The following MYO18B variants were observed in gnomAD, a reference collection of about 807,000 sequenced individuals.
MYO18B encodes the protein unconventional myosin-XVIIIb.
A neutral mutation model predicts 273.0 loss-of-function variants in MYO18B; 204 were observed. That is an observed-to-expected ratio of 0.75 (90% CI 0.67 to 0.84). The LOEUF is 0.84. MYO18B is among the 40% of genes least tolerant of loss of function. The pLI, the probability that MYO18B is intolerant of heterozygous loss-of-function variation, is 0.00. For synonymous variants in MYO18B, 1,330 were observed against 1,305.7 expected (o/e 1.02, Z -0.40); for missense variants, 3,212 against 3,287.6 (o/e 0.98, Z 0.56).
At chr22:25,799,985 A>G (rs1253365963) in intron 12 of MYO18B, among the ~76,000 whole-genome samples, 2 of 152,218 alleles carry the variant, frequency 1.3e-5, no homozygotes, top group Admixed American at 6.5e-5. Context: ...ATATACACAC[A>G]CACCATGGAA....
At chr22:25,792,497 C>T (rs11090410) in intron 11 of MYO18B, among the ~76,000 whole-genome samples, 12,448 of 107,714 alleles carry the variant, frequency 0.12, 2,098 homozygotes, top group African/African-American at 0.3. Flanking sequence ...TTTTTCTTTT[C>T]TTTTTTTTTT....
chr22:25,882,562 C>T (rs1397737009), intron 25 of MYO18B, among the ~76,000 whole-genome samples: 1 of 152,156 alleles, frequency 6.6e-6, no homozygotes, highest in African/African-American at 2.4e-5. Context: ...AAGCCAAGAG[C>T]ATGATGTCAT....
chr22:25,791,137 C>T (rs2087641695), intron 11 of MYO18B, among the ~76,000 whole-genome samples: 1 of 147,094 alleles, frequency 6.8e-6, no homozygotes, highest in Non-Finnish European at 1.5e-5. Flanking sequence ...GCCATGTCTA[C>T]ATCAACAGAT....
the MYO18B span, among the ~76,000 whole-genome samples, chr22:26,055,986 G>T: frequency 6.6e-6 from 1 of 151,936 alleles, no homozygotes; most frequent in Non-Finnish European, 1.5e-5. Context: ...TCTGTTTCCT[G>T]ATTGATAGCA....
Position 25,868,334 on chromosome 22 carries a change from C to G in MYO18B, c.3900C>G (p.Leu1300=). The G allele has an allele frequency of 6.2e-7, 1 of 1,603,158 alleles. No individual in the cohort carries two copies. Among genetic ancestry groups the G allele is most frequent in the Non-Finnish European group, 8.5e-7 (1 of 1,174,926 alleles). ...GIDERKAVEE[L]LETLDLEKKA... ...TTTTTCCCCAGGCCGTGGAGGAGCT[C>G]CTGGAGACCCTGGATCTGGAAAAGA... Residue 1300 remains leucine, a synonymous_variant, in exon 22 of 44, where the codon CTC becomes CTG. Transcript: ENST00000335473.
intron 37 of MYO18B, among the ~76,000 whole-genome samples, chr22:25,951,763 T>C (rs1323797295): frequency 2.6e-5 from 4 of 152,148 alleles, no homozygotes; most frequent in Non-Finnish European, 5.9e-5. Context: ...GCACAACAAA[T>C]GGAACAGCAG....
At chr22:25,923,646 G>T (rs2092380432) in intron 34 of MYO18B, among the ~76,000 whole-genome samples, 1 of 152,146 alleles carries the variant, frequency 6.6e-6, no homozygotes, top group Admixed American at 6.5e-5. Context: ...TGACCAGGTG[G>T]GTACGGAACC....
chr22:25,912,691 T>C lies in MYO18B; in HGVS notation c.5364+1641T>C, dbSNP rs374910853. Reference sequence around the variant, plus strand: ...AACATTTTGCCATTTCTTATTCAGATGTTTTTAAGGAAACAAAACGTTTTA... The same window carrying C: ...AACATTTTGCCATTTCTTATTCAGACGTTTTTAAGGAAACAAAACGTTTTA... On this transcript the variant is annotated intron_variant, in intron 33 of 43. Coordinates refer to ENST00000335473, the MANE Select transcript of MYO18B (RefSeq NM_032608.7). Among the ~76,000 whole-genome samples the C allele has an allele frequency of 2.0e-3, 310 of 152,356 alleles. 1 individual carries two copies. The highest frequency in any genetic ancestry group is 7.1e-3 in the African/African-American group (294 of 41,584).
chr22:25,929,425 A>G (rs1460796928), intron 34 of MYO18B, among the ~76,000 whole-genome samples: 1 of 152,170 alleles, frequency 6.6e-6, no homozygotes, highest in Non-Finnish European at 1.5e-5. Context: ...AGTTCCAACA[A>G]CCAAGATATA....
intron 23 of MYO18B, among the ~76,000 whole-genome samples, chr22:25,874,780 C>T (rs2091145752): frequency 6.6e-6 from 1 of 152,202 alleles, no homozygotes; most frequent in Admixed American, 6.5e-5. Flanking sequence ...AGCACTGACC[C>T]ATTTAGGGTC....
intron 25 of MYO18B, among the ~76,000 whole-genome samples, chr22:25,885,531 TCTGGTGGTTGGA>T (rs1343883158): frequency 6.6e-6 from 1 of 151,910 alleles, no homozygotes. Flanking sequence ...CAGGTGCAAT[TCTGGTGGTTGGA>T]GTGTCTTGTA....
Position 25,980,965 on chromosome 22 carries a change from G to T in MYO18B, c.6157-11398G>T, listed in dbSNP as rs1198405306. On this transcript the variant is annotated intron_variant, in intron 39 of 43. Coordinates refer to ENST00000335473, the MANE Select transcript of MYO18B (RefSeq NM_032608.7). ...GTCTCCTAGCTTCTGGTGGTTCACT[G>T]GAAAGTTTTGATGTTCTTGGCTTCT... is the stretch of plus-strand genomic sequence containing the variant. Among the ~76,000 whole-genome samples, 5 of 152,248 alleles carry T rather than the reference G, an allele frequency of 3.3e-5. No individual in the cohort carries two copies. In the East Asian group the frequency reaches 7.7e-4, roughly 24 times the overall value.
chr22:26,027,593 G>A lies in MYO18B; in HGVS notation c.7619G>A (p.Arg2540Gln), dbSNP rs749740047. Residue 2540 changes from arginine (R) to glutamine (Q), a missense_variant, in exon 43 of 44, where the codon CGA becomes CAA. Coordinates refer to ENST00000335473, the MANE Select transcript of MYO18B (RefSeq NM_032608.7). The surrounding 1 kb of genome is among the most constrained non-coding windows in gnomAD (Gnocchi z 4.1). The stretch of plus-strand genomic sequence containing the variant: ...CGACTTGCGGGTGACGGTGGCGAGC[G>A]AACGTCCCCCGAGCGGAGAGAGCCA... ...IPRLAGDGGERTSPERREPGT... is the reference protein window; with the variant it reads ...IPRLAGDGGEQTSPERREPGT... 2.0e-5 allele frequency: 33 copies of A among 1,613,856 alleles called. No homozygotes were observed. Among genetic ancestry groups the A allele is most frequent in the South Asian group, 1.1e-4 (10 of 91,070 alleles).
the MYO18B span, among the ~76,000 whole-genome samples, chr22:26,056,135 C>G: frequency 6.6e-6 from 1 of 152,120 alleles, no homozygotes; most frequent in Non-Finnish European, 1.5e-5. Flanking sequence ...GTTCTGTCCT[C>G]CAACAAATAT....
At chr22:25,827,633 C>T (rs2089543345) in intron 14 of MYO18B, among the ~76,000 whole-genome samples, 1 of 152,208 alleles carries the variant, frequency 6.6e-6, no homozygotes, top group Non-Finnish European at 1.5e-5. Flanking sequence ...CCGGGTTTCT[C>T]CAAGTTGTCG....
chr22:25,884,900 C>T (rs907194378), intron 25 of MYO18B: 1 of 152,146 alleles, frequency 6.6e-6, no homozygotes, highest in Non-Finnish European at 1.5e-5. Flanking sequence ...GGAGAAGGTG[C>T]ATGTAAAACA....
At chr22:25,761,199 C>T (rs1314011198) in intron 2 of MYO18B, 68 bp downstream of exon 2, 1 of 1,561,394 alleles carries the variant, frequency 6.4e-7, no homozygotes, top group Non-Finnish European at 8.8e-7. Flanking sequence ...GGAGACAAGT[C>T]CGACCTTTCC....
chr22:25,910,399 G>A (rs1351487172), intron 32 of MYO18B, among the ~76,000 whole-genome samples: 3 of 152,032 alleles, frequency 2.0e-5, no homozygotes, highest in Admixed American at 1.3e-4. Context: ...CTACCTTCAT[G>A]GCCTCATTTA....
At chr22:25,781,184 C>T (rs1601674517) in intron 9 of MYO18B, among the ~76,000 whole-genome samples, 1 of 152,156 alleles carries the variant, frequency 6.6e-6, no homozygotes, top group Non-Finnish European at 1.5e-5. Flanking sequence ...ACCTTTGATA[C>T]CTTAATTGAA....
Sources: gnomAD v4.1 joint callset for allele counts (sites outside exome capture counted in the v4.1 genomes callset) on GRCh38, gnomAD v4.1.1 for gene constraint, Gnocchi (gnomAD v3.1) non-coding constraint, MANE v1.5 for transcripts, NCBI Gene and HGNC (gene_info 2026-07-23, HGNC 2026-07-21) for gene names.